UNC13C: variants seen among roughly 807,000 people sequenced by gnomAD.
UNC13C encodes the protein protein unc-13 homolog C.
In UNC13C, 174 loss-of-function variants were observed where a neutral mutation model predicts 245.4. The observed-to-expected ratio is 0.71, with a 90% CI of 0.63 to 0.80. The LOEUF is 0.80. Ranked by LOEUF, UNC13C falls within the 30% of genes least tolerant of loss-of-function variation. The probability of loss-of-function intolerance (pLI) is 0.00; values close to 1 mark genes in which losing one functional copy is unlikely to be tolerated. For missense variants in UNC13C, 2,829 were observed against 2,602.9 expected, an observed-to-expected ratio of 1.09 and a Z score of -1.89; for synonymous variants, 992 against 895.1, an observed-to-expected ratio of 1.11 and a Z score of -1.93.
Position 54,015,549 on chromosome 15 carries a change from G to A in UNC13C, c.2646G>A (p.Met882Ile), listed in dbSNP as rs777384763. Reference sequence around the variant, plus strand: ...ATGAAACAGATTATGTTGAAGTCATGGAACAAGTCCTTGCTAAACTAGAAA... The same window carrying A: ...ATGAAACAGATTATGTTGAAGTCATAGAACAAGTCCTTGCTAAACTAGAAA... Reference protein sequence around the residue: ...ADNETDYVEVMEQVLAKLENR... With the variant: ...ADNETDYVEVIEQVLAKLENR... The change falls in exon 2 of 33, where the codon ATG (methionine) becomes ATA (isoleucine). Residue 882 changes from methionine to isoleucine, a missense_variant. By Grantham distance (10) the Met-to-Ile change is conservative. Coordinates refer to ENST00000260323, the MANE Select transcript of UNC13C (RefSeq NM_001080534.3). 2.5e-6 allele frequency: 4 copies of A among 1,613,536 alleles called. No individual in the cohort carries two copies. The South Asian group carries it at 3.3e-5, about 13-fold the overall frequency.
intron 17 of UNC13C, among the ~76,000 whole-genome samples, chr15:54,342,901 T>C (rs1348929886): frequency 6.6e-6 from 1 of 152,196 alleles, no homozygotes; most frequent in African/African-American, 2.4e-5. Context: ...TCAACTCTGT[T>C]AGATATGCTT....
intron 24 of UNC13C, among the ~76,000 whole-genome samples, chr15:54,519,984 A>T (rs191131309): frequency 4.3e-4 from 66 of 152,336 alleles, no homozygotes; most frequent in African/African-American, 1.5e-3. Flanking sequence ...GAAAACATAA[A>T]AAAAGCAAGA....
At chr15:53,905,261 A>T in the UNC13C span, among the ~76,000 whole-genome samples, 1 of 152,142 alleles carries the variant, frequency 6.6e-6, no homozygotes, top group African/African-American at 2.4e-5. Context: ...TCTCATGTTC[A>T]TTGCAGTGTT....
the UNC13C span, among the ~76,000 whole-genome samples, chr15:53,851,681 T>A: frequency 3.2e-4 from 48 of 152,040 alleles, no homozygotes; most frequent in African/African-American, 1.1e-3. Context: ...CCAAGAAGAG[T>A]CTGAACAGCA....
intron 30 of UNC13C, among the ~76,000 whole-genome samples, chr15:54,594,783 T>C (rs895483546): frequency 6.6e-6 from 1 of 152,132 alleles, no homozygotes; most frequent in Non-Finnish European, 1.5e-5. Flanking sequence ...AGTAGGGATG[T>C]GTGTTCGGGA....
intron 4 of UNC13C, among the ~76,000 whole-genome samples, chr15:54,203,474 A>ATGTGTG (rs139567710): frequency 0.099 from 13,128 of 132,828 alleles, 854 homozygotes; most frequent in African/African-American, 0.19. Context: ...GTGTGTGTAT[A>ATGTGTG]TGTGTGTGTG....
At chr15:54,553,254 T>C (rs1596559558) in intron 28 of UNC13C, among the ~76,000 whole-genome samples, 2 of 110,962 alleles carry the variant, frequency 1.8e-5, no homozygotes, top group East Asian at 5.0e-4. Flanking sequence ...ATATATATTA[T>C]ATATTGTATT....
At chr15:53,978,023 T>A (rs1893767924), upstream of UNC13C, among the ~76,000 whole-genome samples, 1 of 152,232 alleles carries the variant, frequency 6.6e-6, no homozygotes, top group Admixed American at 6.5e-5. Context: ...TCCTGTTAGC[T>A]GCATTTGGTG....
chr15:53,956,281 T>C, the UNC13C span, among the ~76,000 whole-genome samples: 151 of 152,272 alleles, frequency 9.9e-4, 2 homozygotes, highest in East Asian at 0.028. Flanking sequence ...CATCACGCAA[T>C]GTACTCAGGT....
intron 30 of UNC13C, among the ~76,000 whole-genome samples, chr15:54,612,241 G>A (rs1351638207): frequency 2.0e-5 from 3 of 151,340 alleles, no homozygotes; most frequent in Non-Finnish European, 4.4e-5. Context: ...AGCATTAGGT[G>A]GTTGTATTTG....
chr15:54,209,413 G>GT (rs1250490575), intron 4 of UNC13C, among the ~76,000 whole-genome samples: 2 of 139,204 alleles, frequency 1.4e-5, no homozygotes, highest in Middle Eastern at 3.8e-3. Context: ...TTTCTTTTTG[G>GT]TTTTTTGTTT....
At chr15:54,267,223 C>T (rs940264689) in intron 10 of UNC13C, among the ~76,000 whole-genome samples, 5 of 144,814 alleles carry the variant, frequency 3.5e-5, no homozygotes, top group East Asian at 3.9e-4. Flanking sequence ...AGCTGAATCA[C>T]GTATTCGGAA....
intron 2 of UNC13C, among the ~76,000 whole-genome samples, chr15:54,105,654 C>CA (rs11387034): frequency 6.6e-6 from 1 of 151,890 alleles, no homozygotes; most frequent in Non-Finnish European, 1.5e-5. Flanking sequence ...ATTTCTACTA[C>CA]GGTGATGAAA....
intron 26 of UNC13C, among the ~76,000 whole-genome samples, chr15:54,539,160 A>G (rs979500452): frequency 6.6e-6 from 1 of 152,112 alleles, no homozygotes; most frequent in Non-Finnish European, 1.5e-5. Context: ...TATCTTCTGT[A>G]TACTATGACT....
intron 17 of UNC13C, among the ~76,000 whole-genome samples, chr15:54,362,843 A>G (rs995057499): frequency 6.6e-6 from 1 of 152,236 alleles, no homozygotes; most frequent in Non-Finnish European, 1.5e-5. Flanking sequence ...GGAGGCTCAC[A>G]TAATCCATTG....
At chr15:54,082,300 T>C (rs1898988237) in intron 2 of UNC13C, among the ~76,000 whole-genome samples, 1 of 152,222 alleles carries the variant, frequency 6.6e-6, no homozygotes, top group East Asian at 1.9e-4. Context: ...ATTTCTTGTA[T>C]CTGGGTCTTG....
intron 2 of UNC13C, chr15:54,048,534 G>T: frequency 1.9e-6 from 1 of 535,558 alleles, no homozygotes; most frequent in East Asian, 4.2e-5. Context: ...GCCATTTTTT[G>T]ACTCTTTAAA....
chr15:54,552,527 AATAAT>A (rs1376790177), intron 28 of UNC13C, among the ~76,000 whole-genome samples: 214 of 7,502 alleles, frequency 0.029, 9 homozygotes, highest in African/African-American at 0.12. Flanking sequence ...TATTATATAT[AATAAT>A]ATAATTATAT....
intron 4 of UNC13C, among the ~76,000 whole-genome samples, chr15:54,167,222 G>A (rs933865428): frequency 7.2e-5 from 11 of 152,110 alleles, no homozygotes; most frequent in African/African-American, 2.7e-4. Context: ...AAGAGACGGG[G>A]CCGGGTGCGA....
Sources: gnomAD v4.1 joint callset for allele counts (sites outside exome capture counted in the v4.1 genomes callset) on GRCh38, gnomAD v4.1.1 for gene constraint, MANE v1.5 for transcripts, NCBI Gene and HGNC (gene_info 2026-07-23, HGNC 2026-07-21) for gene names.